The following ADCY8 variants were observed in gnomAD, a reference collection of about 807,000 sequenced individuals.
The protein encoded by ADCY8 is adenylate cyclase type 8.
ADCY8 carries 51 observed loss-of-function variants against 119.7 expected under a neutral mutation model. The ratio of observed to expected loss-of-function variants is 0.43; its 90% confidence interval spans 0.34 to 0.54. ADCY8 has a LOEUF of 0.54. Among genes scored for constraint, ADCY8 ranks in the 20% least tolerant of loss-of-function variants. ADCY8 has a pLI of 0.03. For synonymous variants in ADCY8, 665 were observed against 651.0 expected, an observed-to-expected ratio of 1.02 and a Z score of -0.33; for missense variants, 1,383 against 1,598.8, an observed-to-expected ratio of 0.87 and a Z score of 2.30.
chr8:130,904,142 G>C, intron 6 of ADCY8, 100 bp from the exon 7 acceptor site: 7 of 1,198,164 alleles, frequency 5.8e-6, no homozygotes, highest in Non-Finnish European at 5.9e-6. Context: ...TTACACAAGG[G>C]TATTATTAGG....
chr8:130,821,416 A>T lies in ADCY8; in HGVS notation c.2680T>A (p.Phe894Ile), dbSNP rs137921340. ...AGTGATACCTCCTTGGTCCCCAGGA[A>T]ATCTCTGTTGGAAGAAAAAAGGAAC... is the stretch of plus-strand genomic sequence containing the variant. ...YDNLNHSGED[F>I]LGTKEVSLLL... Residue 894 changes from phenylalanine (F) to isoleucine (I), a missense_variant, in exon 13 of 18, where the codon TTC becomes ATC. Physicochemically the swap from Phe to Ile is conservative, Grantham distance 21 (BLOSUM62 0). This residue lies in a region of ADCY8 where 928 missense variants were observed against 1,163.5 expected (regional missense o/e 0.80). Coordinates refer to ENST00000286355, the MANE Select transcript of ADCY8 (RefSeq NM_001115.3). The T allele has an allele frequency of 8.1e-6, 13 of 1,612,756 alleles. No homozygotes were observed. Among genetic ancestry groups the T allele is most frequent in the Non-Finnish European group, 1.1e-5 (13 of 1,179,152 alleles).
chr8:130,912,985 T>C (rs1820024799), intron 5 of ADCY8, among the ~76,000 whole-genome samples: 1 of 152,202 alleles, frequency 6.6e-6, no homozygotes, highest in Non-Finnish European at 1.5e-5. Flanking sequence ...ATTTGTGCTA[T>C]CCACAGCCAT....
chr8:130,780,453 C>A lies in ADCY8; in HGVS notation c.3693G>T (p.Leu1231Phe), dbSNP rs1238790194. The A allele has an allele frequency of 6.2e-7, 1 of 1,613,100 alleles. No individual in the cohort carries two copies. The highest frequency in any genetic ancestry group is 8.5e-7 in the Non-Finnish European group (1 of 1,179,884). ...CTCCAGGCTCTGTGCCGCTGGGTGA[C>A]AACAAAGTCCGCCGGTTGTAATGAC... Reference protein sequence around the residue: ...IKGHYNRRTLLSPSGTEPGAQ... With the variant: ...IKGHYNRRTLFSPSGTEPGAQ... Residue 1231 changes from leucine to phenylalanine, a missense_variant, in exon 18 of 18, where the codon TTG becomes TTT. Around this residue, in one of 2 missense-constraint regions of ADCY8, gnomAD observed 928 missense variants for 1,163.5 expected, o/e 0.80. Coordinates refer to ENST00000286355, the MANE Select transcript of ADCY8 (RefSeq NM_001115.3).
intron 5 of ADCY8, among the ~76,000 whole-genome samples, chr8:130,934,499 T>A (rs1820727695): frequency 1.3e-5 from 2 of 152,126 alleles, no homozygotes; most frequent in Non-Finnish European, 2.9e-5. Context: ...AGGCCCCTCC[T>A]CCAACACTGA....
intron 15 of ADCY8, among the ~76,000 whole-genome samples, chr8:130,786,477 A>G (rs988947862): frequency 6.6e-6 from 1 of 152,176 alleles, no homozygotes; most frequent in Non-Finnish European, 1.5e-5. Flanking sequence ...CATGACAAAA[A>G]GGACTTTGCA....
chr8:130,787,956 G>T (rs766871862), intron 15 of ADCY8, among the ~76,000 whole-genome samples: 33 of 152,170 alleles, frequency 2.2e-4, no homozygotes, highest in Non-Finnish European at 3.8e-4. Flanking sequence ...CAGAGAAGGG[G>T]TGTCAAGAAA....
chr8:130,934,481 C>A (rs1488821693), intron 5 of ADCY8, among the ~76,000 whole-genome samples: 1 of 152,156 alleles, frequency 6.6e-6, no homozygotes, highest in Non-Finnish European at 1.5e-5. Flanking sequence ...ATCCAATTAC[C>A]TCCCATTAGG....
At chr8:130,922,910 C>T (rs1481007437) in intron 5 of ADCY8, among the ~76,000 whole-genome samples, 1 of 152,126 alleles carries the variant, frequency 6.6e-6, no homozygotes, top group African/African-American at 2.4e-5. Flanking sequence ...TCTATCAGAG[C>T]TTGAGTTTCA....
Position 131,040,092 on chromosome 8 carries a change from G to C in ADCY8, c.242C>G (p.Pro81Arg). The C allele has an allele frequency of 6.5e-7, 1 of 1,529,398 alleles. No homozygotes were observed. The highest frequency in any genetic ancestry group is 8.7e-7 in the Non-Finnish European group (1 of 1,144,138). The allele number at this position is 1,529,398 out of a possible 1,614,324, so 94.7% of individuals were successfully genotyped here. Residue 81 changes from proline to arginine, a missense_variant, in exon 1 of 18, where the codon CCG becomes CGG. Transcript: ENST00000286355. ...CAGCGCCGAGTCGCCTGACAGCTGC[G>C]GCGCGTGGTGGTTGGGGCCGCCGCC... is the stretch of plus-strand genomic sequence containing the variant. The part of the protein sequence containing the change: ...PAGGGPNHHA[P>R]QLSGDSALPL...
intron 1 of ADCY8, among the ~76,000 whole-genome samples, chr8:131,032,909 T>G (rs1274734836): frequency 6.6e-6 from 1 of 152,198 alleles, no homozygotes; most frequent in Non-Finnish European, 1.5e-5. Context: ...ATTCTTTATA[T>G]AACTCACTCT....
intron 12 of ADCY8, among the ~76,000 whole-genome samples, chr8:130,824,484 T>A (rs263264): frequency 1.3e-5 from 2 of 152,058 alleles, no homozygotes; most frequent in Non-Finnish European, 2.9e-5. Context: ...TACCTACTTA[T>A]AATTGCTTGC....
At chr8:130,994,512 C>T (rs539662390) in intron 1 of ADCY8, among the ~76,000 whole-genome samples, 44 of 152,240 alleles carry the variant, frequency 2.9e-4, no homozygotes, top group South Asian at 1.7e-3. Flanking sequence ...AGACACATTG[C>T]CACATTTGTA....
intron 14 of ADCY8, among the ~76,000 whole-genome samples, chr8:130,808,158 A>ATATT (rs1287225240): frequency 6.6e-6 from 1 of 152,094 alleles, no homozygotes; most frequent in African/African-American, 2.4e-5. Flanking sequence ...ACTATGTTAT[A>ATATT]TATTTATTTA....
In ADCY8 at chr8:131,039,784, C is replaced by G. The variant is rs749082190; in HGVS notation, c.550G>C (p.Val184Leu). The change falls in exon 1 of 18, where the codon GTG becomes CTG. Residue 184 changes from valine to leucine, a missense_variant. By Grantham distance (32) the Val-to-Leu change is conservative. Transcript: ENST00000286355. ...GTCAGCACGTCCAGCACGTTCATCA[C>G]CACTTCCGATTTGCGCCTTTGGCCC... The part of the protein sequence containing the change: ...FLGQRRKSEV[V>L]MNVLDVLTKL... 1 of 1,614,094 alleles carries G rather than the reference C, an allele frequency of 6.2e-7. No homozygotes were observed. Among genetic ancestry groups the G allele is most frequent in the East Asian group, 2.2e-5 (1 of 44,892 alleles).
chr8:130,949,226 C>A (rs1213658100), intron 3 of ADCY8, among the ~76,000 whole-genome samples: 1 of 152,070 alleles, frequency 6.6e-6, no homozygotes, highest in Non-Finnish European at 1.5e-5. Flanking sequence ...AGGATTCCTG[C>A]AGAAAGCGAG....
chr8:130,942,106 T>C (rs1022707057), intron 4 of ADCY8, among the ~76,000 whole-genome samples: 5 of 152,208 alleles, frequency 3.3e-5, no homozygotes, highest in East Asian at 1.9e-4. Context: ...CAGCTACTTA[T>C]CTGTTTTCTG....
At chr8:131,017,244 A>G (rs1239592300) in intron 1 of ADCY8, among the ~76,000 whole-genome samples, 1 of 151,936 alleles carries the variant, frequency 6.6e-6, no homozygotes, top group Non-Finnish European at 1.5e-5. Flanking sequence ...TAATTTGTGT[A>G]TTTTTAGTAG....
chr8:130,966,424 G>T (rs922256083), intron 2 of ADCY8, among the ~76,000 whole-genome samples: 1 of 152,158 alleles, frequency 6.6e-6, no homozygotes, highest in African/African-American at 2.4e-5. Flanking sequence ...TTAAGAGTGG[G>T]GTGGGTTAGG....
chr8:130,794,294 G>A (rs1383045721), intron 15 of ADCY8, among the ~76,000 whole-genome samples: 1 of 152,188 alleles, frequency 6.6e-6, no homozygotes, highest in East Asian at 1.9e-4. Flanking sequence ...GCCTGGGCTG[G>A]AGTGCAGTGG....
Sources: gnomAD v4.1 joint callset for allele counts (sites outside exome capture counted in the v4.1 genomes callset) on GRCh38, gnomAD v4.1.1 for gene constraint, gnomAD v4.1.1 regional missense constraint, MANE v1.5 for transcripts, NCBI Gene and HGNC (gene_info 2026-07-23, HGNC 2026-07-21) for gene names.